Variants in DLD observed in about 807,000 individuals in gnomAD.
The protein encoded by DLD is dihydrolipoyl dehydrogenase, mitochondrial.
A neutral mutation model predicts 62.2 loss-of-function variants in DLD; 36 were observed. The observed-to-expected ratio is 0.58, with a 90% CI of 0.44 to 0.76. The LOEUF (loss-of-function observed/expected upper bound fraction) is 0.76. Among genes scored for constraint, DLD ranks in the 30% least tolerant of loss-of-function variants. DLD has a pLI of 0.00. For synonymous variants in DLD, 204 were observed against 199.6 expected (o/e 1.02, Z -0.19); for missense variants, 541 against 608.6 (o/e 0.89, Z 1.17).
intron 2 of DLD, among the ~76,000 whole-genome samples, chr7:107,897,206 A>C (rs993371505): frequency 3.9e-5 from 6 of 152,198 alleles, no homozygotes; most frequent in African/African-American, 1.4e-4. Flanking sequence ...TATTGAAGGT[A>C]CTGATGAGTC....
chr7:107,893,331 C>A, intron 2 of DLD, 53 bp downstream of exon 2: 1 of 1,344,936 alleles, frequency 7.4e-7, no homozygotes, highest in Non-Finnish European at 1.1e-6. Context: ...CAGTTCCTTT[C>A]TATTTCAATG....
At chr7:107,915,369 A>G (rs1418099321) in intron 8 of DLD, 137 bp from the exon 9 acceptor site, 70 of 873,128 alleles carry the variant, frequency 8.0e-5, no homozygotes, top group Non-Finnish European at 1.2e-4. Context: ...CACAGGGTCA[A>G]TTTTAAACCT....
chr7:107,911,839 T>C (rs1210247406), intron 8 of DLD, among the ~76,000 whole-genome samples: 1 of 152,140 alleles, frequency 6.6e-6, no homozygotes, highest in African/African-American at 2.4e-5. Context: ...GCTAGGAATA[T>C]TGAATTATTC....
At chr7:107,899,388 A>G (rs2031818484) in intron 2 of DLD, among the ~76,000 whole-genome samples, 2 of 151,596 alleles carry the variant, frequency 1.3e-5, no homozygotes, top group Non-Finnish European at 2.9e-5. Flanking sequence ...ACCTAAGATT[A>G]CATAGTGAAT....
At chr7:107,900,853 G>T (rs1315815178) in intron 2 of DLD, among the ~76,000 whole-genome samples, 1 of 152,148 alleles carries the variant, frequency 6.6e-6, no homozygotes, top group Non-Finnish European at 1.5e-5. Context: ...GGGTTGTCAG[G>T]ACAGTGGAAG....
At position 107,919,044 on chromosome 7, in the gene DLD, C is replaced by T; in HGVS notation, c.1409C>T (p.Ala470Val). 1 of 1,613,926 alleles carries T rather than the reference C, an allele frequency of 6.2e-7. No homozygotes were observed. ...GAAATGGTAAATGAAGCTGCTCTTGCTTTGGAATATGGAGCATCCTGTGAA... is the reference window on the plus strand; with the variant it reads ...GAAATGGTAAATGAAGCTGCTCTTGTTTTGGAATATGGAGCATCCTGTGAA... ...AGEMVNEAAL[A>V]LEYGASCEDI... Residue 470 changes from alanine to valine, a missense_variant, in exon 13 of 14, where the codon GCT becomes GTT. By Grantham distance (64) the Ala-to-Val change is moderately conservative (BLOSUM62 0). Coordinates refer to ENST00000205402, the MANE Select transcript of DLD (RefSeq NM_000108.5).
chr7:107,891,465 C>T (rs1419055143), intron 1 of DLD, 176 bp downstream of exon 1: 15 of 703,104 alleles, frequency 2.1e-5, no homozygotes, highest in South Asian at 2.0e-4. Flanking sequence ...GGTGGCCGCT[C>T]ATCCTGCAGC....
intron 5 of DLD, among the ~76,000 whole-genome samples, chr7:107,904,313 T>C (rs2031950393): frequency 6.6e-6 from 1 of 152,226 alleles, no homozygotes; most frequent in South Asian, 2.1e-4. Context: ...GCAAGGCTTT[T>C]ACATCCTAGC....
chr7:107,905,233 G>T, intron 6 of DLD, 128 bp from the exon 7 acceptor site: 1 of 1,101,242 alleles, frequency 9.1e-7, no homozygotes, highest in South Asian at 1.4e-5. Flanking sequence ...CTGCACCATG[G>T]TGTAGCATTA....
At chr7:107,900,155 G>GA (rs1013138897) in intron 2 of DLD, among the ~76,000 whole-genome samples, 74 of 152,032 alleles carry the variant, frequency 4.9e-4, no homozygotes, top group African/African-American at 1.7e-3. Context: ...TAACCAAAGA[G>GA]AATCTAGTAT....
chr7:107,908,151 T>C (rs558926244), intron 8 of DLD, among the ~76,000 whole-genome samples: 1 of 137,050 alleles, frequency 7.3e-6, no homozygotes, highest in South Asian at 2.3e-4. Context: ...ATTTTTGTTT[T>C]TCTTTTTTTT....
At chr7:107,897,726 G>A (rs573515672) in intron 2 of DLD, among the ~76,000 whole-genome samples, 4 of 151,596 alleles carry the variant, frequency 2.6e-5, no homozygotes, top group Middle Eastern at 3.4e-3. Flanking sequence ...CTACAGGCAC[G>A]CACCACTATG....
intron 10 of DLD, 81 bp from the exon 11 acceptor site, chr7:107,917,192 A>T: frequency 1.3e-6 from 2 of 1,538,492 alleles, no homozygotes; most frequent in Admixed American, 3.4e-5. Context: ...TTTACTGGAA[A>T]CTTTTGTTAC....
chr7:107,894,594 A>G (rs1222672988), intron 2 of DLD, among the ~76,000 whole-genome samples: 2 of 152,360 alleles, frequency 1.3e-5, no homozygotes, highest in East Asian at 1.9e-4. Flanking sequence ...CTCATATAAC[A>G]GGAGAAATGT....
intron 8 of DLD, among the ~76,000 whole-genome samples, chr7:107,913,351 T>C (rs556406827): frequency 6.6e-6 from 1 of 152,258 alleles, no homozygotes; most frequent in African/African-American, 2.4e-5. Flanking sequence ...TTTAACGATA[T>C]TAATTTTTCC....
intron 8 of DLD, among the ~76,000 whole-genome samples, chr7:107,913,143 T>G (rs2032184736): frequency 6.6e-6 from 1 of 152,172 alleles, no homozygotes; most frequent in Non-Finnish European, 1.5e-5. Flanking sequence ...TTTATTTTGT[T>G]CCATTGGTCT....
At chr7:107,901,415 C>A (rs1263496898) in intron 2 of DLD, among the ~76,000 whole-genome samples, 1 of 152,080 alleles carries the variant, frequency 6.6e-6, no homozygotes, top group Non-Finnish European at 1.5e-5. Context: ...CTTCCAGTAT[C>A]ACTAAATTCC....
At chr7:107,905,096 A>G in intron 6 of DLD, 38 bp downstream of exon 6, 2 of 1,431,652 alleles carry the variant, frequency 1.4e-6, no homozygotes, top group Non-Finnish European at 9.8e-7. Flanking sequence ...TTTACTTTGA[A>G]TACAAATTAA....
chr7:107,892,377 A>T (rs532490959), intron 1 of DLD, among the ~76,000 whole-genome samples: 1 of 152,218 alleles, frequency 6.6e-6, no homozygotes, highest in Non-Finnish European at 1.5e-5. Context: ...CTAATTTGCT[A>T]TTCCTAGTTG....
Sources: gnomAD v4.1 joint callset for allele counts (sites outside exome capture counted in the v4.1 genomes callset) on GRCh38, gnomAD v4.1.1 for gene constraint, MANE v1.5 for transcripts, NCBI Gene and HGNC (gene_info 2026-07-23, HGNC 2026-07-21) for gene names.